The following MOK variants were observed in gnomAD, a reference collection of about 807,000 sequenced individuals.
MOK encodes the protein MAPK/MAK/MRK overlapping kinase.
MOK carries 59 observed loss-of-function variants against 54.2 expected under a neutral mutation model. That is an observed-to-expected ratio of 1.09 (90% CI 0.88 to 1.35). MOK has a LOEUF of 1.35. Ranked by LOEUF, MOK falls within the 40% of genes most tolerant of loss-of-function variation. MOK has a pLI of 0.00. For synonymous variants in MOK, 210 were observed against 202.7 expected (o/e 1.04, Z -0.31); for missense variants, 517 against 526.2 (o/e 0.98, Z 0.17).
At position 102,273,384 on chromosome 14, in the gene MOK, A is replaced by C. The variant is rs532291809; in HGVS notation, c.123-7472T>G. On this transcript the variant is annotated intron_variant, in intron 2 of 11. Transcript: ENST00000361847. ...TACTTATGGCTAACAATGGGAAATA[A>C]ATGTTTAAAATATCCTTTTATAATA... Among the ~76,000 whole-genome samples the C allele has an allele frequency of 3.6e-3, 541 of 152,288 alleles. 11 individuals carry two copies. Among genetic ancestry groups the C allele is most frequent in the Non-Finnish European group, 2.0e-3 (137 of 68,038 alleles).
At chr14:102,214,929 T>C in the MOK span, 2 of 985,150 alleles carry the variant, frequency 2.0e-6, no homozygotes, top group Non-Finnish European at 2.4e-6. Context: ...ACTTACTACA[T>C]ACTTGATATT....
At chr14:102,292,405 G>A (rs537365574) in intron 1 of MOK, among the ~76,000 whole-genome samples, 9 of 152,030 alleles carry the variant, frequency 5.9e-5, no homozygotes, top group African/African-American at 2.2e-4. Context: ...CCCAGGAGGT[G>A]GAGCTTGCAG....
chr14:102,214,985 CGT>C, the MOK span: 1 of 984,526 alleles, frequency 1.0e-6, no homozygotes, highest in South Asian at 4.7e-5. Flanking sequence ...ATTAAATAAA[CGT>C]GTGTGAGTGA....
At chr14:102,271,294 A>G (rs958136060) in intron 2 of MOK, among the ~76,000 whole-genome samples, 1 of 152,188 alleles carries the variant, frequency 6.6e-6, no homozygotes, top group African/African-American at 2.4e-5. Context: ...ATTCCTTGAT[A>G]CAGATGTGCC....
At chr14:102,270,931 C>T (rs149322408) in intron 2 of MOK, among the ~76,000 whole-genome samples, 455 of 152,264 alleles carry the variant, frequency 3.0e-3, no homozygotes, top group Non-Finnish European at 4.6e-3. Context: ...GTGGCTCACG[C>T]CTATAATCCC....
chr14:102,218,940 G>C, the MOK span, among the ~76,000 whole-genome samples: 1 of 152,222 alleles, frequency 6.6e-6, no homozygotes, highest in Non-Finnish European at 1.5e-5. Context: ...TCCGTCGGCC[G>C]GGCCGGGCCT....
At chr14:102,219,710 C>G (rs950574617), downstream of MOK, among the ~76,000 whole-genome samples, 1 of 152,208 alleles carries the variant, frequency 6.6e-6, no homozygotes, top group Non-Finnish European at 1.5e-5. Flanking sequence ...GCATGGGGAC[C>G]CTGAGTTTTG....
chr14:102,226,086 C>T (rs1318642503), downstream of MOK: 3 of 552,792 alleles, frequency 5.4e-6, no homozygotes, highest in Admixed American at 3.4e-5. The surrounding 1 kb of genome is among the most constrained non-coding windows in gnomAD (Gnocchi z 4.8). Flanking sequence ...TGGGAGGTCA[C>T]GGTCGCACTG....
At chr14:102,220,719 CAAAAAAAAAAAA>C (rs35097607), downstream of MOK, among the ~76,000 whole-genome samples, 12 of 111,686 alleles carry the variant, frequency 1.1e-4, no homozygotes, top group South Asian at 3.6e-3. The surrounding 1 kb of genome is among the most constrained non-coding windows in gnomAD (Gnocchi z 4.2). Flanking sequence ...GACTCCGTCT[CAAAAAAAAAAAA>C]AAAAAAGAAA....
chr14:102,285,755 G>C (rs1567228171), intron 1 of MOK, among the ~76,000 whole-genome samples: 1 of 152,076 alleles, frequency 6.6e-6, no homozygotes, highest in Non-Finnish European at 1.5e-5. Context: ...AGCTGGATGT[G>C]ATGGTGCGCA....
chr14:102,258,838 C>T (rs184713085), intron 4 of MOK, among the ~76,000 whole-genome samples: 3 of 152,134 alleles, frequency 2.0e-5, no homozygotes, highest in South Asian at 2.1e-4. Context: ...GAGGCTGAGG[C>T]GGGCAGATCA....
chr14:102,270,829 T>C (rs1005805205), intron 2 of MOK, among the ~76,000 whole-genome samples: 1 of 152,196 alleles, frequency 6.6e-6, no homozygotes, highest in Non-Finnish European at 1.5e-5. Flanking sequence ...AACGGAATTG[T>C]GGTGACAGTT....
intron 2 of MOK, among the ~76,000 whole-genome samples, chr14:102,271,712 C>T (rs529194702): frequency 6.6e-6 from 1 of 152,188 alleles, no homozygotes; most frequent in Non-Finnish European, 1.5e-5. Flanking sequence ...GCATGCACTA[C>T]CACGCCCACC....
At position 102,229,310 on chromosome 14, in the gene MOK, T is replaced by C; in HGVS notation, c.1239A>G (p.Ile413Met). 1 of 1,610,710 alleles carries C rather than the reference T, an allele frequency of 6.2e-7. No individual in the cohort carries two copies. Among genetic ancestry groups the C allele is most frequent in the South Asian group, 1.1e-5 (1 of 90,692 alleles). ...TCAGTTATCTTCCGCCTTTCCGCAC[T>C]ATGGTGGGCAGGCGACACTGCTGCG... ...PAPQQCRLPT[I>M]VRKGGR The change falls in exon 12 of 12, where the codon ATA becomes ATG. Residue 413 changes from isoleucine (I) to methionine (M), a missense_variant. By Grantham distance (10) the Ile-to-Met change is conservative. Transcript: ENST00000361847.
downstream of MOK, chr14:102,224,467 A>G (rs560032256): frequency 2.1e-4 from 86 of 410,670 alleles, 1 homozygote; most frequent in East Asian, 6.4e-4. Context: ...AAGAATGTTT[A>G]TTTATTTTTT....
At chr14:102,261,717 A>C (rs538025234) in intron 4 of MOK, among the ~76,000 whole-genome samples, 31 of 149,566 alleles carry the variant, frequency 2.1e-4, no homozygotes, top group Middle Eastern at 6.9e-3. Context: ...TTGTATTTTT[A>C]GCAGAGACAA....
chr14:102,268,635 G>C (rs1260526169), intron 2 of MOK, among the ~76,000 whole-genome samples: 2 of 152,140 alleles, frequency 1.3e-5, no homozygotes, highest in African/African-American at 2.4e-5. Flanking sequence ...GTAAAGATCG[G>C]CTGGGCACGG....
In MOK at chr14:102,235,414, A is replaced by T. The variant is rs1367060533; in HGVS notation, c.591-1625T>A. ...GTCTTCTACCCTCCTTCCGGAAGAAAAGGAAAGAGTGTGGCTTGCAGCCCA... is the reference window on the plus strand; with the variant it reads ...GTCTTCTACCCTCCTTCCGGAAGAATAGGAAAGAGTGTGGCTTGCAGCCCA... On this transcript the variant is annotated intron_variant, in intron 7 of 11. Transcript: ENST00000361847. This position sits in a 1 kb window ranked among gnomAD's most constrained non-coding sequence, Gnocchi z 4.4. 2 of 152,258 alleles carry T rather than the reference A, an allele frequency of 1.3e-5. No homozygotes were observed. The highest frequency in any genetic ancestry group is 2.9e-5 in the Non-Finnish European group (2 of 68,048). The allele number at this position is 152,258 out of a possible 1,614,324, so 9.4% of individuals were successfully genotyped here. A position where few individuals can be genotyped will look rare whatever the true frequency, so the allele number is the denominator to read the frequency against.
intron 1 of MOK, among the ~76,000 whole-genome samples, chr14:102,288,545 A>G (rs1364248421): frequency 3.9e-5 from 6 of 152,244 alleles, no homozygotes; most frequent in Non-Finnish European, 8.8e-5. Context: ...TGTGGGATAA[A>G]GGAGTAACCA....
Sources: gnomAD v4.1 joint callset for allele counts (sites outside exome capture counted in the v4.1 genomes callset) on GRCh38, gnomAD v4.1.1 for gene constraint, Gnocchi (gnomAD v3.1) non-coding constraint, MANE v1.5 for transcripts, NCBI Gene and HGNC (gene_info 2026-07-23, HGNC 2026-07-21) for gene names.